FBXW7: variants seen among roughly 807,000 people sequenced by gnomAD.
The protein encoded by FBXW7 is F-box and WD repeat domain containing 7.
Under a neutral mutation model 86.3 loss-of-function variants are expected in FBXW7, and 11 were observed. The ratio of observed to expected loss-of-function variants is 0.13; its 90% CI spans 0.08 to 0.21. The LOEUF is 0.21. Ranked by LOEUF, FBXW7 falls within the 10% of genes least tolerant of loss-of-function variation. The pLI is 1.00. For missense variants in FBXW7, 488 were observed against 847.4 expected (o/e 0.58, Z 5.27); for synonymous variants, 313 against 297.9 (o/e 1.05, Z -0.52).
intron 4 of FBXW7, among the ~76,000 whole-genome samples, chr4:152,399,629 T>C (rs986449720): frequency 6.6e-6 from 1 of 152,132 alleles, no homozygotes; most frequent in Admixed American, 6.5e-5. Flanking sequence ...AAGATTAATA[T>C]ATAATAAGTC....
At chr4:152,358,352 T>C (rs1732599543) in intron 4 of FBXW7, among the ~76,000 whole-genome samples, 1 of 152,168 alleles carries the variant, frequency 6.6e-6, no homozygotes, top group African/African-American at 2.4e-5. Flanking sequence ...TGCTGCTGTT[T>C]GTGATTTTCA....
intron 2 of FBXW7, among the ~76,000 whole-genome samples, chr4:152,515,789 A>G (rs956740965): frequency 6.6e-6 from 1 of 151,884 alleles, no homozygotes; most frequent in Non-Finnish European, 1.5e-5. Flanking sequence ...TGTCCAAGCA[A>G]TAATGTGTTG....
chr4:152,347,154 T>C lies in FBXW7; in HGVS notation c.585-83A>G, dbSNP rs964963404. On this transcript the variant is annotated intron_variant, in intron 5 of 13. Coordinates refer to ENST00000281708, the MANE Select transcript of FBXW7 (RefSeq NM_001349798.2). ...AGCAAAGATAGATACTTATTAATAA[T>C]AGATTCTAGTACAAAGAATGATGAT... 29 of 1,101,080 alleles carry C rather than the reference T, an allele frequency of 2.6e-5. 1 individual carries two copies. Among genetic ancestry groups the C allele is most frequent in the South Asian group, 4.7e-5 (3 of 64,048 alleles). The allele number at this position is 1,101,080 out of a possible 1,614,324, so 68.2% of individuals were successfully genotyped here.
chr4:152,421,306 G>C (rs984191561), intron 2 of FBXW7, among the ~76,000 whole-genome samples: 3 of 152,150 alleles, frequency 2.0e-5, no homozygotes, highest in African/African-American at 7.2e-5. Flanking sequence ...TGGTTGATTT[G>C]ATCTTCTATC....
At chr4:152,466,946 T>TAAC (rs1160879146) in intron 2 of FBXW7, among the ~76,000 whole-genome samples, 1 of 151,852 alleles carries the variant, frequency 6.6e-6, no homozygotes, top group Non-Finnish European at 1.5e-5. Context: ...CGTCTCAAAA[T>TAAC]AATAATAATA....
chr4:152,531,546 CT>C (rs890883243), intron 2 of FBXW7, among the ~76,000 whole-genome samples: 3 of 144,922 alleles, frequency 2.1e-5, no homozygotes, highest in Non-Finnish European at 3.0e-5. Context: ...TGCCAAGTTG[CT>C]TTTTTTTAAT....
chr4:152,337,785 T>G lies in FBXW7; in HGVS notation c.861+17A>C. 1 of 1,597,962 alleles carries G rather than the reference T, an allele frequency of 6.3e-7. No homozygotes were observed. Among genetic ancestry groups the G allele is most frequent in the Non-Finnish European group, 8.5e-7 (1 of 1,174,082 alleles). ...TTCAAATAACACCCAATGAAGAATGTAATTGATAATCTTTACCTCTTTAGG... is the reference window on the plus strand; with the variant it reads ...TTCAAATAACACCCAATGAAGAATGGAATTGATAATCTTTACCTCTTTAGG... On this transcript the variant is annotated intron_variant, in intron 7 of 13. Coordinates refer to ENST00000281708, the MANE Select transcript of FBXW7 (RefSeq NM_001349798.2).
At chr4:152,422,356 A>G (rs889878504) in intron 2 of FBXW7, among the ~76,000 whole-genome samples, 1 of 152,216 alleles carries the variant, frequency 6.6e-6, no homozygotes, top group African/African-American at 2.4e-5. Context: ...ATAAGCCATT[A>G]TGTAGTTGTA....
At chr4:152,474,955 C>T (rs1012030507) in intron 2 of FBXW7, among the ~76,000 whole-genome samples, 4 of 151,976 alleles carry the variant, frequency 2.6e-5, no homozygotes, top group Non-Finnish European at 4.4e-5. Flanking sequence ...TGAGCCACCA[C>T]GCCCGGCATG....
chr4:152,510,892 T>C (rs904704092), intron 2 of FBXW7, among the ~76,000 whole-genome samples: 4 of 152,090 alleles, frequency 2.6e-5, no homozygotes, highest in Admixed American at 2.0e-4. Context: ...GCAATATAAA[T>C]TACCAAATAA....
intron 2 of FBXW7, among the ~76,000 whole-genome samples, chr4:152,506,379 C>A (rs1346435445): frequency 6.6e-6 from 1 of 152,226 alleles, no homozygotes; most frequent in East Asian, 1.9e-4. Context: ...GATCTGCCCG[C>A]CTCAGCCTCC....
intron 2 of FBXW7, among the ~76,000 whole-genome samples, chr4:152,431,089 T>G (rs1448221297): frequency 1.3e-5 from 2 of 152,230 alleles, no homozygotes; most frequent in Non-Finnish European, 2.9e-5. Flanking sequence ...CAATAGCGAT[T>G]GCCAGGCATA....
intron 7 of FBXW7, among the ~76,000 whole-genome samples, chr4:152,334,633 C>T (rs1479507546): frequency 6.6e-6 from 1 of 152,150 alleles, no homozygotes; most frequent in Admixed American, 6.5e-5. Context: ...TCCAGAGCAG[C>T]TTAGATTTCA....
At chr4:152,474,370 CTAAT>C (rs1477421115) in intron 2 of FBXW7, among the ~76,000 whole-genome samples, 5 of 152,136 alleles carry the variant, frequency 3.3e-5, no homozygotes. Flanking sequence ...TCCTAAGAGA[CTAAT>C]TATTTTGTTT....
At chr4:152,497,517 A>G (rs1746481716) in intron 2 of FBXW7, among the ~76,000 whole-genome samples, 1 of 152,152 alleles carries the variant, frequency 6.6e-6, no homozygotes, top group Non-Finnish European at 1.5e-5. Flanking sequence ...ATAGGAAACT[A>G]GAATGATCAA....
chr4:152,502,334 C>T (rs2149701959), intron 2 of FBXW7, among the ~76,000 whole-genome samples: 1 of 152,266 alleles, frequency 6.6e-6, no homozygotes, highest in African/African-American at 2.4e-5. Context: ...GCATATTATA[C>T]TCCACATCTC....
At chr4:152,371,404 AG>A (rs1412047609) in intron 4 of FBXW7, among the ~76,000 whole-genome samples, 3 of 151,980 alleles carry the variant, frequency 2.0e-5, no homozygotes, top group Admixed American at 6.6e-5. Flanking sequence ...ATATTTAAAA[AG>A]GGAGTTAAAT....
At position 152,411,160 on chromosome 4, in the gene FBXW7, T is replaced by C. The variant is rs1737913994; in HGVS notation, c.501+143A>G. 4.9e-6 allele frequency: 6 copies of C among 1,218,908 alleles called. No homozygotes were observed. In the South Asian group the frequency reaches 1.3e-4, roughly 26 times the overall value. 75.5% of individuals were successfully genotyped at this position (1,218,908 alleles called of 1,614,324 possible). ...ACTTGTAATACTTTCCATTACCTTC[T>C]GTAAGACAAAAAACTAGTTCATTTT... On this transcript the variant is annotated intron_variant, in intron 4 of 13. Transcript: ENST00000281708.
At chr4:152,359,981 T>C (rs988295264) in intron 4 of FBXW7, among the ~76,000 whole-genome samples, 2 of 152,176 alleles carry the variant, frequency 1.3e-5, no homozygotes, top group Non-Finnish European at 2.9e-5. Context: ...GGACCTGAGA[T>C]GTAAATGGAA....
Sources: allele counts gnomAD v4.1 joint callset (sites outside exome capture counted in the v4.1 genomes callset), GRCh38; gene constraint gnomAD v4.1.1; transcripts MANE v1.5; gene names NCBI Gene and HGNC (gene_info 2026-07-23, HGNC 2026-07-21).